MTCL3: variants seen among roughly 807,000 people sequenced by gnomAD.
The protein encoded by MTCL3 is MTCL family member 3.
At chr6:127,499,122 A>T in the MTCL3 span, among the ~76,000 whole-genome samples, 2 of 152,138 alleles carry the variant, frequency 1.3e-5, no homozygotes, top group African/African-American at 4.8e-5. Context: ...AAAGTCAGCT[A>T]AAAAAAGAAA....
the MTCL3 span, chr6:127,515,038 C>A: frequency 3.1e-6 from 5 of 1,613,838 alleles, no homozygotes; most frequent in Non-Finnish European, 4.2e-6. This position sits in a 1 kb window ranked among gnomAD's most constrained non-coding sequence, Gnocchi z 4.3. Flanking sequence ...CTCAGCTCAT[C>A]GATCTCGTTC....
the MTCL3 span, among the ~76,000 whole-genome samples, chr6:127,488,923 G>A: frequency 3.9e-5 from 6 of 152,064 alleles, no homozygotes; most frequent in African/African-American, 9.7e-5. Flanking sequence ...ATTGTATTAT[G>A]TATCATAAGT....
the MTCL3 span, among the ~76,000 whole-genome samples, chr6:127,510,174 T>C: frequency 6.6e-6 from 1 of 152,212 alleles, no homozygotes; most frequent in Non-Finnish European, 1.5e-5. Context: ...GCATATATAC[T>C]CCTAAATTAT....
chr6:127,509,036 C>G, the MTCL3 span, among the ~76,000 whole-genome samples: 1 of 152,182 alleles, frequency 6.6e-6, no homozygotes, highest in Non-Finnish European at 1.5e-5. Context: ...TCTCTTTGAT[C>G]ATTTGCAATG....
chr6:127,517,331 A>T, the MTCL3 span, among the ~76,000 whole-genome samples: 1 of 152,346 alleles, frequency 6.6e-6, no homozygotes, highest in Non-Finnish European at 1.5e-5. Context: ...ATAAATAATG[A>T]ATGCCTTTAA....
the MTCL3 span, among the ~76,000 whole-genome samples, chr6:127,478,554 C>A: frequency 6.6e-6 from 1 of 152,150 alleles, no homozygotes; most frequent in Non-Finnish European, 1.5e-5. Context: ...AGGGTGGAAA[C>A]ATCCATCAAC....
At chr6:127,506,667 G>A in the MTCL3 span, among the ~76,000 whole-genome samples, 6 of 152,054 alleles carry the variant, frequency 3.9e-5, no homozygotes, top group East Asian at 1.9e-4. Context: ...TGCAAGCTCC[G>A]CCTCTCGGGT....
the MTCL3 span, among the ~76,000 whole-genome samples, chr6:127,482,368 T>G: frequency 6.6e-6 from 1 of 152,218 alleles, no homozygotes; most frequent in Non-Finnish European, 1.5e-5. The surrounding 1 kb of genome is among the most constrained non-coding windows in gnomAD (Gnocchi z 4.1). Flanking sequence ...AAGCTAGTCT[T>G]TACTGTGGCT....
chr6:127,508,260 T>G, the MTCL3 span, among the ~76,000 whole-genome samples: 1 of 152,222 alleles, frequency 6.6e-6, no homozygotes, highest in Non-Finnish European at 1.5e-5. Context: ...AGTGTAGCTA[T>G]GATCAGTTCT....
At chr6:127,480,634 A>G in the MTCL3 span, among the ~76,000 whole-genome samples, 1 of 152,222 alleles carries the variant, frequency 6.6e-6, no homozygotes, top group Non-Finnish European at 1.5e-5. Flanking sequence ...CAGAGTGCCA[A>G]TCACTAGACA....
the MTCL3 span, among the ~76,000 whole-genome samples, chr6:127,496,424 C>A: frequency 6.6e-6 from 1 of 151,992 alleles, no homozygotes. Context: ...CAGTGAAATT[C>A]AAACAAGAAA....
At chr6:127,511,614 G>T in the MTCL3 span, among the ~76,000 whole-genome samples, 1 of 152,114 alleles carries the variant, frequency 6.6e-6, no homozygotes, top group African/African-American at 2.4e-5. Context: ...CCCAGTTACT[G>T]GTGAAAATAG....
chr6:127,516,426 G>T, the MTCL3 span: 1 of 1,600,264 alleles, frequency 6.2e-7, no homozygotes. Context: ...GTTTAGTGCC[G>T]GCCCCCACTG....
At chr6:127,517,571 G>T in the MTCL3 span, 1 of 152,172 alleles carries the variant, frequency 6.6e-6, no homozygotes, top group East Asian at 1.9e-4. Flanking sequence ...TTGCTAGATA[G>T]AAAATATTTT....
chr6:127,474,155 T>TAAAAA, the MTCL3 span, among the ~76,000 whole-genome samples: 1 of 148,436 alleles, frequency 6.7e-6, no homozygotes. Context: ...CAACTTATGG[T>TAAAAA]AAAAAAAAAA....
At chr6:127,515,072 C>CA in the MTCL3 span, 1 of 1,601,796 alleles carries the variant, frequency 6.2e-7, no homozygotes, top group African/African-American at 1.3e-5. The surrounding 1 kb of genome is among the most constrained non-coding windows in gnomAD (Gnocchi z 4.3). Flanking sequence ...GGCCGCGTGT[C>CA]AAAATCAAAC....
chr6:127,478,420 C>G, the MTCL3 span, among the ~76,000 whole-genome samples: 2 of 152,198 alleles, frequency 1.3e-5, no homozygotes, highest in East Asian at 1.9e-4. Context: ...TCATGACAAC[C>G]TCAAAGCCCA....
At chr6:127,512,819 A>G in the MTCL3 span, 1 of 1,409,606 alleles carries the variant, frequency 7.1e-7, no homozygotes, top group Non-Finnish European at 9.5e-7. Context: ...TTTAACAGTC[A>G]TATTAGTCCT....
the MTCL3 span, among the ~76,000 whole-genome samples, chr6:127,475,100 A>T: frequency 1.3e-5 from 2 of 152,280 alleles, no homozygotes; most frequent in African/African-American, 4.8e-5. This position sits in a 1 kb window ranked among gnomAD's most constrained non-coding sequence, Gnocchi z 7.3. Flanking sequence ...AGTCACAAAA[A>T]CCTCAGCCCT....
Sources: allele counts gnomAD v4.1 joint callset (sites outside exome capture counted in the v4.1 genomes callset), GRCh38; gene constraint gnomAD v4.1.1; non-coding constraint Gnocchi (gnomAD v3.1); transcripts MANE v1.5; gene names NCBI Gene and HGNC (gene_info 2026-07-23, HGNC 2026-07-21).